Variants in FGGY observed in about 807,000 individuals in gnomAD.
FGGY encodes FGGY carbohydrate kinase domain containing, also known as FGGY carbohydrate kinase domain-containing protein.
In FGGY, 72 loss-of-function variants were observed where a neutral mutation model predicts 71.3. The ratio of observed to expected loss-of-function variants is 1.01; its 90% CI spans 0.84 to 1.23. The LOEUF (loss-of-function observed/expected upper bound fraction) is 1.23. Among genes scored for constraint, FGGY ranks in the 50% most tolerant of loss-of-function variants. The pLI is 0.00. For synonymous variants in FGGY, 251 were observed against 250.3 expected (o/e 1.00, Z -0.02); for missense variants, 668 against 682.3 (o/e 0.98, Z 0.23).
At chr1:59,636,246 ACACT>A (rs778344853) in intron 10 of FGGY, among the ~76,000 whole-genome samples, 10 of 152,110 alleles carry the variant, frequency 6.6e-5, no homozygotes, top group East Asian at 1.9e-4. Context: ...TCACATTTAC[ACACT>A]CACTCATGCT....
intron 8 of FGGY, among the ~76,000 whole-genome samples, chr1:59,605,462 G>A (rs2096615118): frequency 6.6e-6 from 1 of 152,088 alleles, no homozygotes; most frequent in Non-Finnish European, 1.5e-5. Context: ...CTCTGTGCCT[G>A]GCACAGACCT....
At chr1:59,699,304 A>G (rs1485406892) in intron 14 of FGGY, 4 of 984,418 alleles carry the variant, frequency 4.1e-6, no homozygotes, top group Admixed American at 1.2e-4. Context: ...AATTAGAGAT[A>G]CTAAATTGTT....
At chr1:59,426,447 A>G (rs2066382957) in intron 5 of FGGY, among the ~76,000 whole-genome samples, 1 of 152,198 alleles carries the variant, frequency 6.6e-6, no homozygotes. Flanking sequence ...TTGCTGACTG[A>G]TGTCTGGAAT....
chr1:59,657,171 G>A (rs1042444953), intron 11 of FGGY, among the ~76,000 whole-genome samples: 3 of 152,116 alleles, frequency 2.0e-5, no homozygotes, highest in African/African-American at 7.2e-5. Context: ...ATTATACAAA[G>A]CACTGGGGTT....
chr1:59,533,161 G>T (rs183138506), intron 7 of FGGY, among the ~76,000 whole-genome samples: 1 of 152,202 alleles, frequency 6.6e-6, no homozygotes, highest in African/African-American at 2.4e-5. Context: ...CACCATGCAC[G>T]AGCTGAAGCA....
At chr1:59,375,365 A>G (rs2058493851) in intron 4 of FGGY, among the ~76,000 whole-genome samples, 1 of 151,490 alleles carries the variant, frequency 6.6e-6, no homozygotes, top group Admixed American at 6.6e-5. Flanking sequence ...TTCTGGAGAC[A>G]TTTCCTCTCA....
intron 6 of FGGY, among the ~76,000 whole-genome samples, chr1:59,493,230 G>T (rs1021611702): frequency 6.6e-6 from 1 of 151,914 alleles, no homozygotes; most frequent in African/African-American, 2.4e-5. Flanking sequence ...AAACATGGTG[G>T]TAGTTCCTCA....
At chr1:59,629,164 A>G (rs1460026746) in intron 10 of FGGY, among the ~76,000 whole-genome samples, 2 of 152,168 alleles carry the variant, frequency 1.3e-5, no homozygotes, top group African/African-American at 4.8e-5. Flanking sequence ...ATGTATACAT[A>G]TGTAACAAAC....
chr1:59,568,627 G>A (rs114160045), intron 8 of FGGY, among the ~76,000 whole-genome samples: 6 of 152,180 alleles, frequency 3.9e-5, no homozygotes, highest in Non-Finnish European at 7.4e-5. Flanking sequence ...CCGTGTGTGC[G>A]TCTTCCCCAA....
At chr1:59,383,780 C>T (rs2059760798) in intron 5 of FGGY, among the ~76,000 whole-genome samples, 1 of 152,120 alleles carries the variant, frequency 6.6e-6, no homozygotes, top group Middle Eastern at 3.2e-3. Flanking sequence ...TTTAAATCTA[C>T]CTACGATCTG....
intron 6 of FGGY, among the ~76,000 whole-genome samples, chr1:59,459,160 C>G (rs1165325169): frequency 6.6e-6 from 1 of 152,114 alleles, no homozygotes; most frequent in Non-Finnish European, 1.5e-5. Context: ...AAATGCTTTC[C>G]CTGAAAACTG....
At chr1:59,752,601 T>C (rs2098255293) in intron 14 of FGGY, among the ~76,000 whole-genome samples, 1 of 152,252 alleles carries the variant, frequency 6.6e-6, no homozygotes, top group African/African-American at 2.4e-5. Flanking sequence ...CCAAGGGTAC[T>C]GAAGAACCCA....
intron 6 of FGGY, among the ~76,000 whole-genome samples, chr1:59,495,360 C>T (rs927147095): frequency 2.6e-5 from 4 of 151,910 alleles, no homozygotes; most frequent in Non-Finnish European, 5.9e-5. Context: ...TCAATTTTTG[C>T]TTTTGTTGCA....
intron 9 of FGGY, among the ~76,000 whole-genome samples, chr1:59,617,540 C>A (rs1572167294): frequency 2.0e-5 from 3 of 152,106 alleles, no homozygotes; most frequent in Admixed American, 1.3e-4. Context: ...TTTCATCACA[C>A]ATCAAGGCCT....
At chr1:59,740,244 A>G (rs2098136792) in intron 14 of FGGY, among the ~76,000 whole-genome samples, 2 of 152,224 alleles carry the variant, frequency 1.3e-5, no homozygotes, top group Admixed American at 1.3e-4. Flanking sequence ...CTGAATAAAT[A>G]TATCACTTCA....
chr1:59,472,752 A>C (rs994695859), intron 6 of FGGY, among the ~76,000 whole-genome samples: 2 of 151,926 alleles, frequency 1.3e-5, no homozygotes, highest in African/African-American at 4.8e-5. Context: ...GACACTCTGT[A>C]TCTAGCTAAT....
At chr1:59,572,842 G>A (rs1206543608) in intron 8 of FGGY, among the ~76,000 whole-genome samples, 5 of 152,180 alleles carry the variant, frequency 3.3e-5, no homozygotes, top group South Asian at 2.1e-4. Context: ...AGCAGTAGTC[G>A]TTCAGGCATT....
chr1:59,602,342 T>C (rs1191787544), intron 8 of FGGY, among the ~76,000 whole-genome samples: 1 of 152,164 alleles, frequency 6.6e-6, no homozygotes, highest in African/African-American at 2.4e-5. Flanking sequence ...TGTGATAATA[T>C]ATGTGAAGAA....
At chr1:59,419,382 A>G (rs2065030118) in intron 5 of FGGY, among the ~76,000 whole-genome samples, 1 of 152,164 alleles carries the variant, frequency 6.6e-6, no homozygotes, top group African/African-American at 2.4e-5. Context: ...GACATAGACC[A>G]CCAAGCTGAT....
Sources: gnomAD v4.1 joint callset for allele counts (sites outside exome capture counted in the v4.1 genomes callset) on GRCh38, gnomAD v4.1.1 for gene constraint, MANE v1.5 for transcripts, NCBI Gene and HGNC (gene_info 2026-07-23, HGNC 2026-07-21) for gene names.